Variants in GLIPR2 observed in about 807,000 individuals in gnomAD.
GLIPR2 encodes GLI pathogenesis related 2.
Under a neutral mutation model 20.4 loss-of-function variants are expected in GLIPR2, and 21 were observed. The observed-to-expected ratio is 1.03, with a 90% CI of 0.73 to 1.48. The LOEUF is 1.48. Ranked by LOEUF, GLIPR2 falls within the 40% of genes most tolerant of loss-of-function variation. GLIPR2 has a pLI of 0.00. For missense variants in GLIPR2, 205 were observed against 200.1 expected, an observed-to-expected ratio of 1.02 and a Z score of -0.15; for synonymous variants, 91 against 80.5, an observed-to-expected ratio of 1.13 and a Z score of -0.70.
At chr9:36,157,683 AACAC>A (rs567476723) in intron 4 of GLIPR2, among the ~76,000 whole-genome samples, 1,929 of 146,290 alleles carry the variant, frequency 0.013, 36 homozygotes, top group African/African-American at 0.041. Context: ...ATATCTGTTA[AACAC>A]ACACACACAC....
chr9:36,162,534 TA>T lies in GLIPR2; in HGVS notation c.*14del, dbSNP rs773916312. ...CGCCGAAGAAGTAACTTGTTAAATG[TA>T]ATGGGAAGGTGGCAGACTTAAGAAC... On this transcript the variant is annotated 3_prime_UTR_variant, in exon 5 of 5. Coordinates refer to ENST00000377960, the MANE Select transcript of GLIPR2 (RefSeq NM_022343.4). 1.2e-6 allele frequency: 2 copies of T among 1,613,846 alleles called. No homozygotes were observed. Among genetic ancestry groups the T allele is most frequent in the South Asian group, 2.2e-5 (2 of 91,054 alleles).
chr9:36,157,638 C>T (rs141096714), intron 4 of GLIPR2, among the ~76,000 whole-genome samples: 147 of 151,992 alleles, frequency 9.7e-4, no homozygotes, highest in African/African-American at 3.1e-3. Flanking sequence ...TGAGCCACTA[C>T]GCCCGGCCTC....
chr9:36,159,740 G>A (rs1470840826), intron 4 of GLIPR2, among the ~76,000 whole-genome samples: 1 of 152,122 alleles, frequency 6.6e-6, no homozygotes, highest in Non-Finnish European at 1.5e-5. Flanking sequence ...GCCAAGGCGA[G>A]TGAATCACCT....
In GLIPR2 at chr9:36,136,764, C is replaced by G; in HGVS notation, c.-15C>G. The G allele has an allele frequency of 7.8e-7, 1 of 1,288,694 alleles. No individual in the cohort carries two copies. Among genetic ancestry groups the G allele is most frequent in the Non-Finnish European group, 9.8e-7 (1 of 1,020,586 alleles). 79.8% of individuals were successfully genotyped at this position (1,288,694 alleles called of 1,614,324 possible). A position where few individuals can be genotyped will look rare whatever the true frequency, so the allele number is the denominator to read the frequency against. On this transcript the variant is annotated 5_prime_UTR_variant, in exon 1 of 5. Coordinates refer to ENST00000377960, the MANE Select transcript of GLIPR2 (RefSeq NM_022343.4). The surrounding 1 kb of genome is among the most constrained non-coding windows in gnomAD (Gnocchi z 4.3). ...CAGCGCAGCCGCGGGGAGCGAGGAG[C>G]GCGCGGAGCCGGCCATGGGCAAGTC...
chr9:36,140,243 C>T (rs1019573592), intron 1 of GLIPR2, among the ~76,000 whole-genome samples: 1 of 152,136 alleles, frequency 6.6e-6, no homozygotes, highest in African/African-American at 2.4e-5. Flanking sequence ...TATTAGTGTC[C>T]CTCCATCCAC....
At position 36,136,879 on chromosome 9, in the gene GLIPR2, T is replaced by C; in HGVS notation, c.13+88T>C. On this transcript the variant is annotated intron_variant, in intron 1 of 4. Transcript: ENST00000377960. The surrounding 1 kb of genome is among the most constrained non-coding windows in gnomAD (Gnocchi z 4.3). ...TCTCCCTCGTCCGCCGCAAGCCAGG[T>C]CCTGGGGAGTGCGGGAGCCCGGGGT... is the stretch of plus-strand genomic sequence containing the variant. The C allele has an allele frequency of 8.1e-7, 1 of 1,227,320 alleles. No individual in the cohort carries two copies. Among genetic ancestry groups the C allele is most frequent in the Non-Finnish European group, 1.0e-6 (1 of 982,122 alleles). The allele number at this position is 1,227,320 out of a possible 1,614,324, so 76.0% of individuals were successfully genotyped here.
At chr9:36,146,294 A>G (rs1587135818) in intron 1 of GLIPR2, 1 of 152,146 alleles carries the variant, frequency 6.6e-6, no homozygotes, top group African/African-American at 2.4e-5. Context: ...AATGCCCTCT[A>G]ATCACCTCTT....
intron 1 of GLIPR2, among the ~76,000 whole-genome samples, chr9:36,144,103 C>A (rs760129480): frequency 6.6e-6 from 1 of 152,144 alleles, no homozygotes; most frequent in Non-Finnish European, 1.5e-5. Context: ...CCCAAGAACC[C>A]ATGGGTTCCT....
chr9:36,148,973 T>G (rs955756402), intron 3 of GLIPR2, among the ~76,000 whole-genome samples: 1 of 152,230 alleles, frequency 6.6e-6, no homozygotes, highest in African/African-American at 2.4e-5. Flanking sequence ...AATCTCAGCC[T>G]GATTCTGTGT....
intron 4 of GLIPR2, among the ~76,000 whole-genome samples, chr9:36,154,565 C>T (rs1825747126): frequency 6.6e-6 from 1 of 152,132 alleles, no homozygotes. Context: ...AAGATATATT[C>T]TAGGGAGTTT....
chr9:36,136,550 G>A (rs1380934082), upstream of GLIPR2: 3 of 351,782 alleles, frequency 8.5e-6, no homozygotes, highest in South Asian at 1.5e-4. The surrounding 1 kb of genome is among the most constrained non-coding windows in gnomAD (Gnocchi z 4.3). Flanking sequence ...CGCATCCGGG[G>A]AGCCCTCGGC....
At chr9:36,137,318 T>C (rs77847577) in intron 1 of GLIPR2, among the ~76,000 whole-genome samples, 2,328 of 152,312 alleles carry the variant, frequency 0.015, 38 homozygotes, top group African/African-American at 0.043. Flanking sequence ...ATGAACTTTC[T>C]GCAGCGCAGC....
At chr9:36,157,553 G>A (rs1213669078) in intron 4 of GLIPR2, among the ~76,000 whole-genome samples, 1 of 151,384 alleles carries the variant, frequency 6.6e-6, no homozygotes, top group Non-Finnish European at 1.5e-5. Flanking sequence ...CACCACATTG[G>A]CCCGGCTAGT....
intron 2 of GLIPR2, among the ~76,000 whole-genome samples, chr9:36,148,205 G>A (rs368175860): frequency 1.3e-5 from 2 of 151,240 alleles, no homozygotes; most frequent in Non-Finnish European, 2.9e-5. Flanking sequence ...CCAAGATTGC[G>A]CCACTGCACT....
intron 2 of GLIPR2, among the ~76,000 whole-genome samples, chr9:36,148,212 C>T (rs1377639399): frequency 6.6e-6 from 1 of 151,698 alleles, no homozygotes; most frequent in East Asian, 1.9e-4. Context: ...TGCGCCACTG[C>T]ACTCCAGCCT....
chr9:36,153,219 C>T (rs529472234), intron 4 of GLIPR2, among the ~76,000 whole-genome samples: 4 of 152,222 alleles, frequency 2.6e-5, no homozygotes, highest in African/African-American at 9.6e-5. Context: ...CTTTCTCATG[C>T]CTTCCGTCCC....
chr9:36,162,113 T>G, intron 4 of GLIPR2: 1 of 699,242 alleles, frequency 1.4e-6, no homozygotes, highest in South Asian at 2.0e-5. Flanking sequence ...AGGTGGAGGT[T>G]GCAGTGAGCC....
At position 36,163,016 on chromosome 9, in the gene GLIPR2, C is replaced by A; in HGVS notation, c.*494C>A. On this transcript the variant is annotated 3_prime_UTR_variant, in exon 5 of 5. Coordinates refer to ENST00000377960, the MANE Select transcript of GLIPR2 (RefSeq NM_022343.4). ...TAAGCACATAAATACAAAGCAGCTT[C>A]CATCAGGAACATGGAGCAGGCAGGG... 2.5e-6 allele frequency: 1 copy of A among 407,088 alleles called. No individual in the cohort carries two copies. The highest frequency in any genetic ancestry group is 4.8e-6 in the Non-Finnish European group (1 of 206,936). 25.2% of individuals were successfully genotyped at this position (407,088 alleles called of 1,614,324 possible). A position where few individuals can be genotyped will look rare whatever the true frequency, so the allele number is the denominator to read the frequency against.
At chr9:36,155,851 A>T (rs1010369272) in intron 4 of GLIPR2, among the ~76,000 whole-genome samples, 1 of 151,984 alleles carries the variant, frequency 6.6e-6, no homozygotes, top group African/African-American at 2.4e-5. Flanking sequence ...AGGCAAGAGG[A>T]TCCCTTCATC....
Sources: allele counts gnomAD v4.1 joint callset (sites outside exome capture counted in the v4.1 genomes callset), GRCh38; gene constraint gnomAD v4.1.1; non-coding constraint Gnocchi (gnomAD v3.1); transcripts MANE v1.5; gene names NCBI Gene and HGNC (gene_info 2026-07-23, HGNC 2026-07-21).